The following E2F6 variants were observed in gnomAD, a reference collection of about 807,000 sequenced individuals.
E2F6 encodes the protein E2F transcription factor 6.
In E2F6, 19 loss-of-function variants were observed where a neutral mutation model predicts 31.5. The ratio of observed to expected loss-of-function variants is 0.60; its 90% CI spans 0.42 to 0.89. The LOEUF (loss-of-function observed/expected upper bound fraction) is 0.89. Among genes scored for constraint, E2F6 ranks in the 40% least tolerant of loss-of-function variants. The pLI is 0.00. For synonymous variants in E2F6, 121 were observed against 127.7 expected, an observed-to-expected ratio of 0.95 and a Z score of 0.36; for missense variants, 269 against 341.6, an observed-to-expected ratio of 0.79 and a Z score of 1.67.
At chr2:11,457,269 T>A (rs1204030964) in intron 1 of E2F6, 36 bp from the exon 2 acceptor site, 3 of 1,305,406 alleles carry the variant, frequency 2.3e-6, no homozygotes, top group Non-Finnish European at 3.3e-6. Flanking sequence ...CTTAGTGATT[T>A]TAAAACAACA....
At chr2:11,453,879 G>T in intron 2 of E2F6, 81 bp from the exon 3 acceptor site, 1 of 1,245,404 alleles carries the variant, frequency 8.0e-7, no homozygotes, top group Non-Finnish European at 1.1e-6. Flanking sequence ...GTTTCCTCTT[G>T]ATCAGATAGC....
chr2:11,464,442 G>A (rs1672000453), intron 1 of E2F6, among the ~76,000 whole-genome samples: 1 of 150,700 alleles, frequency 6.6e-6, no homozygotes, highest in South Asian at 2.1e-4. Context: ...GCGTGAACTC[G>A]GGAGGCGGAG....
At chr2:11,454,797 TG>T (rs1303796535) in intron 2 of E2F6, among the ~76,000 whole-genome samples, 1 of 152,104 alleles carries the variant, frequency 6.6e-6, no homozygotes, top group Non-Finnish European at 1.5e-5. Context: ...CACACTTGTG[TG>T]CCAATCATAT....
chr2:11,460,144 A>G (rs1440183526), intron 1 of E2F6, among the ~76,000 whole-genome samples: 1 of 151,438 alleles, frequency 6.6e-6, no homozygotes, highest in Non-Finnish European at 1.5e-5. Context: ...TCAAAGGTGG[A>G]AAAAAAAATA....
chr2:11,464,790 T>G (rs1672032114), intron 1 of E2F6, among the ~76,000 whole-genome samples: 1 of 152,130 alleles, frequency 6.6e-6, no homozygotes, highest in Admixed American at 6.5e-5. Context: ...TTTAGTATTA[T>G]AAAACACTGC....
intron 1 of E2F6, among the ~76,000 whole-genome samples, chr2:11,465,178 C>CAAAAAAAAAAAAAAAAAAAAA (rs59561027): frequency 6.8e-5 from 6 of 88,572 alleles, no homozygotes; most frequent in South Asian, 4.3e-4. Flanking sequence ...AACTCAATCT[C>CAAAAAAAAAAAAAAAAAAAAA]AAAAAAAAAA....
intron 2 of E2F6, 70 bp from the exon 3 acceptor site, chr2:11,453,868 T>C: frequency 7.4e-7 from 1 of 1,348,884 alleles, no homozygotes; most frequent in Non-Finnish European, 1.0e-6. Context: ...AAAAATCATC[T>C]GTTTCCTCTT....
chr2:11,450,254 T>C lies in E2F6; in HGVS notation c.537-128A>G, dbSNP rs572413373. 2.9e-5 allele frequency: 14 copies of C among 487,232 alleles called. No homozygotes were observed. In the South Asian group the frequency reaches 5.1e-4, roughly 18 times the overall value. The allele number at this position is 487,232 out of a possible 1,614,324, so 30.2% of individuals were successfully genotyped here. A position where few individuals can be genotyped will look rare whatever the true frequency, so the allele number is the denominator to read the frequency against. On this transcript the variant is annotated intron_variant, in intron 4 of 6. Coordinates refer to ENST00000381525, the MANE Select transcript of E2F6 (RefSeq NM_198256.4). ...GTTTTTATGAGATACAAGTTCACCA[T>C]TAAGGAAAGCAGTAAAAAAAAAAAA... is the stretch of plus-strand genomic sequence containing the variant.
At chr2:11,464,905 G>C (rs1293316359) in intron 1 of E2F6, among the ~76,000 whole-genome samples, 1 of 152,142 alleles carries the variant, frequency 6.6e-6, no homozygotes, top group Non-Finnish European at 1.5e-5. Flanking sequence ...GTTATAGAAA[G>C]AAAGCAGCAG....
chr2:11,451,830 C>A, intron 3 of E2F6, 24 bp from the exon 4 acceptor site: 1 of 1,595,960 alleles, frequency 6.3e-7, no homozygotes, highest in African/African-American at 1.3e-5. Flanking sequence ...AAAATGTCAG[C>A]ATCAATACCA....
At chr2:11,464,146 G>A (rs1395030607) in intron 1 of E2F6, among the ~76,000 whole-genome samples, 1 of 152,026 alleles carries the variant, frequency 6.6e-6, no homozygotes, top group Non-Finnish European at 1.5e-5. Flanking sequence ...ACCTTGGTTA[G>A]AATGGTCTTA....
chr2:11,456,233 T>A (rs1038407896), intron 2 of E2F6, among the ~76,000 whole-genome samples: 3 of 152,204 alleles, frequency 2.0e-5, no homozygotes, highest in Non-Finnish European at 2.9e-5. Flanking sequence ...TTTCTCTACA[T>A]GTAAAAGAGC....
At position 11,446,528 on chromosome 2, in the gene E2F6, A is replaced by G. The variant is rs761853250; in HGVS notation, c.800-5T>C. 6.8e-6 allele frequency: 11 copies of G among 1,613,026 alleles called. No homozygotes were observed. In the Admixed American group the frequency reaches 1.8e-4, roughly 27 times the overall value. Reference sequence around the variant, plus strand: ...CACTTTGCTGAGGATTTTCTTCTGGAAAAGAACACGAGAGAGAAATACACC... The same window carrying G: ...CACTTTGCTGAGGATTTTCTTCTGGGAAAGAACACGAGAGAGAAATACACC... On this transcript the variant is annotated splice_polypyrimidine_tract_variant and splice_region_variant and intron_variant, in intron 6 of 6. Transcript: ENST00000381525.
chr2:11,448,056 T>A (rs918999461), intron 5 of E2F6, among the ~76,000 whole-genome samples: 6 of 152,176 alleles, frequency 3.9e-5, no homozygotes, highest in Admixed American at 6.5e-5. Context: ...AGTGTTTTGA[T>A]GACACAGAAC....
At position 11,445,798 on chromosome 2, in the gene E2F6, T is replaced by C. The variant is rs888694260; in HGVS notation, c.*679A>G. 1 of 151,530 alleles carries C rather than the reference T, an allele frequency of 6.6e-6. No homozygotes were observed. The highest frequency in any genetic ancestry group is 1.5e-5 in the Non-Finnish European group (1 of 67,880). The allele number at this position is 151,530 out of a possible 1,614,324, so 9.4% of individuals were successfully genotyped here. On this transcript the variant is annotated 3_prime_UTR_variant, in exon 7 of 7. Coordinates refer to ENST00000381525, the MANE Select transcript of E2F6 (RefSeq NM_198256.4). ...GCACTGAAAACCATATTAAAATACT[T>C]TAATTAAATCCACAAACATAAATGT...
At chr2:11,464,808 A>G (rs572379887) in intron 1 of E2F6, among the ~76,000 whole-genome samples, 10 of 152,310 alleles carry the variant, frequency 6.6e-5, no homozygotes, top group African/African-American at 2.2e-4. Context: ...TGCTGTGAGA[A>G]ATGAGAAATT....
At chr2:11,449,427 A>C (rs575399610) in intron 5 of E2F6, among the ~76,000 whole-genome samples, 103 of 152,354 alleles carry the variant, frequency 6.8e-4, no homozygotes, top group Non-Finnish European at 6.3e-4. Flanking sequence ...AAGAATGGCC[A>C]CATTCCTTGG....
Position 11,446,496 on chromosome 2 carries a change from A to C in E2F6, c.827T>G (p.Leu276Trp). 1 of 1,613,248 alleles carries C rather than the reference A, an allele frequency of 6.2e-7. No individual in the cohort carries two copies. Among genetic ancestry groups the C allele is most frequent in the Non-Finnish European group, 8.5e-7 (1 of 1,179,464 alleles). Residue 276 changes from leucine to tryptophan, a missense_variant, in exon 7 of 7, where the codon TTG becomes TGG. By Grantham distance (61) the Leu-to-Trp change is moderately conservative. Coordinates refer to ENST00000381525, the MANE Select transcript of E2F6 (RefSeq NM_198256.4). ...EEENPQQSEE[L>W]LEVSN ...ATGCCATCAGTTGCTTACTTCAAGCAATTCTTCACTTTGCTGAGGATTTTC... is the reference window on the plus strand; with the variant it reads ...ATGCCATCAGTTGCTTACTTCAAGCCATTCTTCACTTTGCTGAGGATTTTC...
chr2:11,461,418 C>A (rs1208330610), intron 1 of E2F6, among the ~76,000 whole-genome samples: 4 of 152,216 alleles, frequency 2.6e-5, no homozygotes, highest in Non-Finnish European at 5.9e-5. Flanking sequence ...GTGGCACAAT[C>A]TCGGCTCACT....
Sources: gnomAD v4.1 joint callset for allele counts (sites outside exome capture counted in the v4.1 genomes callset) on GRCh38, gnomAD v4.1.1 for gene constraint, MANE v1.5 for transcripts, NCBI Gene and HGNC (gene_info 2026-07-23, HGNC 2026-07-21) for gene names.